Variants in COL18A1 observed in about 807,000 individuals in gnomAD.
COL18A1 encodes the protein collagen alpha-1(XVIII) chain.
Under a neutral mutation model 168.0 loss-of-function variants are expected in COL18A1, and 133 were observed. The ratio of observed to expected loss-of-function variants is 0.79; its 90% confidence interval spans 0.69 to 0.91. COL18A1 has a LOEUF of 0.91. Ranked by LOEUF, COL18A1 falls within the 40% of genes least tolerant of loss-of-function variation. COL18A1 has a pLI of 0.00. For missense variants in COL18A1, 2,126 were observed against 1,925.4 expected (o/e 1.10, Z -1.95); for synonymous variants, 949 against 809.0 (o/e 1.17, Z -2.94).
chr21:45,479,487 C>T (rs559477118), intron 9 of COL18A1, among the ~76,000 whole-genome samples: 5 of 152,242 alleles, frequency 3.3e-5, no homozygotes, highest in East Asian at 1.9e-4. Flanking sequence ...ACACATACCA[C>T]GTGTGCACAC....
intron 9 of COL18A1, among the ~76,000 whole-genome samples, chr21:45,479,172 C>T (rs1568906379): frequency 1.4e-5 from 2 of 141,752 alleles, no homozygotes; most frequent in African/African-American, 2.6e-5. Flanking sequence ...GAATGTGTGA[C>T]TGCGCGTGTG....
intron 2 of COL18A1, among the ~76,000 whole-genome samples, chr21:45,451,868 G>A (rs751425692): frequency 3.3e-5 from 5 of 152,180 alleles, no homozygotes; most frequent in African/African-American, 7.2e-5. Flanking sequence ...TCCTTGGCTG[G>A]GGTCATCTCC....
At chr21:45,433,526 T>C (rs1245803164) in intron 2 of COL18A1, among the ~76,000 whole-genome samples, 1 of 152,174 alleles carries the variant, frequency 6.6e-6, no homozygotes, top group East Asian at 1.9e-4. Flanking sequence ...ATCCAACAGA[T>C]GCCGGCCCAG....
intron 2 of COL18A1, among the ~76,000 whole-genome samples, chr21:45,435,035 C>T (rs2034062816): frequency 6.6e-6 from 1 of 151,978 alleles, no homozygotes; most frequent in Non-Finnish European, 1.5e-5. Context: ...GGGATTTGTC[C>T]CTGGAGCACC....
chr21:45,432,910 T>C (rs7510381), intron 2 of COL18A1, among the ~76,000 whole-genome samples: 66,017 of 152,118 alleles, frequency 0.43, 17,746 homozygotes, highest in African/African-American at 0.76. Context: ...CAGATGCCTG[T>C]GCCAACCCCT....
intron 34 of COL18A1, among the ~76,000 whole-genome samples, chr21:45,504,840 A>G (rs2037094395): frequency 1.3e-5 from 2 of 152,044 alleles, no homozygotes; most frequent in African/African-American, 2.4e-5. Context: ...AGGTCAGATC[A>G]GGGTTTAGGC....
intron 16 of COL18A1, 28 bp from the exon 17 acceptor site, chr21:45,487,419 C>T (rs751950989): frequency 6.8e-5 from 109 of 1,610,692 alleles, no homozygotes; most frequent in Non-Finnish European, 8.4e-5. Context: ...GGACACAGGC[C>T]CCTACGTGTC....
chr21:45,505,591 A>C (rs2037150745), intron 36 of COL18A1, among the ~76,000 whole-genome samples, 160 bp downstream of exon 36: 1 of 152,038 alleles, frequency 6.6e-6, no homozygotes, highest in South Asian at 2.1e-4. Context: ...CCATGGGGGA[A>C]TCAGGTGGAC....
chr21:45,489,033 C>T (rs2036209684), intron 18 of COL18A1, among the ~76,000 whole-genome samples: 1 of 152,218 alleles, frequency 6.6e-6, no homozygotes, highest in Admixed American at 6.5e-5. Flanking sequence ...TCCTCTGCTG[C>T]GTGCGGGGCC....
chr21:45,493,816 A>G, intron 26 of COL18A1: 1 of 552,400 alleles, frequency 1.8e-6, no homozygotes, highest in Non-Finnish European at 3.3e-6. Context: ...CACCCTGCTG[A>G]GGGGAGGTTC....
intron 21 of COL18A1, 96 bp from the exon 22 acceptor site, chr21:45,491,129 G>A (rs1049441973): frequency 1.2e-5 from 14 of 1,143,978 alleles, no homozygotes; most frequent in South Asian, 2.5e-5. Flanking sequence ...CTCACCCACC[G>A]TGGGCTCTGG....
intron 2 of COL18A1, among the ~76,000 whole-genome samples, chr21:45,459,196 A>T (rs1473385111): frequency 6.6e-6 from 1 of 151,996 alleles, no homozygotes; most frequent in African/African-American, 2.4e-5. Flanking sequence ...CTGGCCTCTC[A>T]GCTCCTCCCC....
rs1372714619 is a variant in COL18A1 at position 45,498,374 on chromosome 21, C to T, written c.2683+713C>T. 2 of 659,918 alleles carry T rather than the reference C, an allele frequency of 3.0e-6. No homozygotes were observed. The highest frequency in any genetic ancestry group is 5.6e-6 in the Non-Finnish European group (2 of 356,822). The allele number at this position is 659,918 out of a possible 1,614,324, so 40.9% of individuals were successfully genotyped here. A position where few individuals can be genotyped will look rare whatever the true frequency, so the allele number is the denominator to read the frequency against. On this transcript the variant is annotated intron_variant, in intron 32 of 41. Transcript: ENST00000651438. The surrounding 1 kb of genome is among the most constrained non-coding windows in gnomAD (Gnocchi z 4.5). ...CAGGGTTCCCTCTCGCCACCACGGT[C>T]CCCTCTCGCCGCCAGGGTCCCCTCT...
intron 2 of COL18A1, among the ~76,000 whole-genome samples, chr21:45,459,601 C>T (rs953575583): frequency 4.6e-5 from 7 of 152,218 alleles, no homozygotes; most frequent in African/African-American, 1.2e-4. Context: ...GCGTGGGGGG[C>T]GCTCAAAGGG....
At chr21:45,408,303 C>T (rs186289712) in intron 2 of COL18A1, among the ~76,000 whole-genome samples, 277 of 152,372 alleles carry the variant, frequency 1.8e-3, no homozygotes, top group African/African-American at 6.1e-3. Context: ...TTCCCAGTCA[C>T]GCGAAGTGCA....
intron 17 of COL18A1, among the ~76,000 whole-genome samples, chr21:45,487,842 T>C (rs1473841783): frequency 2.0e-5 from 3 of 152,256 alleles, no homozygotes; most frequent in Non-Finnish European, 4.4e-5. Context: ...GCCCCAATTT[T>C]TGGTAGTAAC....
rs374058652 is a variant in COL18A1 at position 45,505,161 on chromosome 21, C to T, written c.2896C>T (p.Gln966Ter). 2 of 1,608,012 alleles carry T rather than the reference C, an allele frequency of 1.2e-6. No homozygotes were observed. The highest frequency in any genetic ancestry group is 1.7e-6 in the Non-Finnish European group (2 of 1,178,210). Residue 966 changes from glutamine to a stop codon, truncating the protein, a stop_gained, in exon 35 of 42, where the codon CAG becomes TAG. Coordinates refer to ENST00000651438, the MANE Select transcript of COL18A1 (RefSeq NM_001379500.1). LOFTEE classifies it high-confidence loss of function. ...PGPKGESIRG[Q>*]PGPPGPQGPP... is the part of the protein sequence containing the mutation. ...TCCCAAGGGAGAGAGCATCCGGGGC[C>T]AGCCCGGCCCACCTGGACCTCAGGG...
At chr21:45,453,466 T>C (rs2145845222) in intron 2 of COL18A1, among the ~76,000 whole-genome samples, 1 of 152,300 alleles carries the variant, frequency 6.6e-6, no homozygotes, top group African/African-American at 2.4e-5. Flanking sequence ...AGGAGGCTTA[T>C]GTAGTAGCCA....
At chr21:45,512,053 AGGTTGTG>A (rs1452513591) in intron 41 of COL18A1, 128 bp from the exon 42 acceptor site, 2 of 922,888 alleles carry the variant, frequency 2.2e-6, no homozygotes, top group Non-Finnish European at 3.4e-6. Context: ...GTGGCCCTCC[AGGTTGTG>A]GGAGCCTCTG....
Sources: gnomAD v4.1 joint callset for allele counts (sites outside exome capture counted in the v4.1 genomes callset) on GRCh38, gnomAD v4.1.1 for gene constraint, Gnocchi (gnomAD v3.1) non-coding constraint, MANE v1.5 for transcripts, NCBI Gene and HGNC (gene_info 2026-07-23, HGNC 2026-07-21) for gene names.